The following MYO1E variants were observed in gnomAD, a reference collection of about 807,000 sequenced individuals.
The protein encoded by MYO1E is unconventional myosin-Ie.
A neutral mutation model predicts 151.1 loss-of-function variants in MYO1E; 68 were observed. The ratio of observed to expected loss-of-function variants is 0.45; its 90% CI spans 0.37 to 0.55. MYO1E has a LOEUF of 0.55. MYO1E is among the 20% of genes least tolerant of loss of function. The pLI is 0.00. For synonymous variants in MYO1E, 601 were observed against 501.7 expected, an observed-to-expected ratio of 1.20 and a Z score of -2.64; for missense variants, 1,363 against 1,389.3, an observed-to-expected ratio of 0.98 and a Z score of 0.30.
intron 1 of MYO1E, among the ~76,000 whole-genome samples, chr15:59,314,380 A>G (rs1016142106): frequency 6.6e-6 from 1 of 152,292 alleles, no homozygotes; most frequent in Non-Finnish European, 1.5e-5. Flanking sequence ...TCTTGTTTTC[A>G]CACAGTGTCT....
chr15:59,141,838 C>T lies in MYO1E; in HGVS notation c.3081-3471G>A, dbSNP rs148737129. Among the ~76,000 whole-genome samples, 1,257 of 148,606 alleles carry T rather than the reference C, an allele frequency of 8.5e-3. 22 individuals are homozygous for T. The highest frequency in any genetic ancestry group is 0.029 in the African/African-American group (1,182 of 40,164). ...AAAAAAGGCTGGGTGCAGTGGCTCA[C>T]GCCTGTAATCTGTAATCCCAGCACT... On this transcript the variant is annotated intron_variant, in intron 26 of 27. Coordinates refer to ENST00000288235, the MANE Select transcript of MYO1E (RefSeq NM_004998.4).
chr15:59,352,411 T>G (rs1410046311), intron 1 of MYO1E, among the ~76,000 whole-genome samples: 8 of 152,020 alleles, frequency 5.3e-5, no homozygotes, highest in African/African-American at 1.7e-4. Flanking sequence ...TGCAATCAGG[T>G]GTGGGTGGGA....
chr15:59,205,937 T>C (rs76779162), intron 14 of MYO1E, among the ~76,000 whole-genome samples: 13,449 of 152,172 alleles, frequency 0.088, 734 homozygotes, highest in African/African-American at 0.16. Flanking sequence ...CTTTGCAGTT[T>C]CTCCCAGAAG....
At chr15:59,188,316 A>C (rs1719705874) in intron 17 of MYO1E, 100 bp from the exon 18 acceptor site, 1 of 868,632 alleles carries the variant, frequency 1.2e-6, no homozygotes. Context: ...AGCTGTAGGG[A>C]AACATATTCA....
chr15:59,312,058 G>C (rs1486815976), intron 1 of MYO1E, among the ~76,000 whole-genome samples: 1 of 152,008 alleles, frequency 6.6e-6, no homozygotes. Context: ...AAACCAAATG[G>C]ACTACAACAC....
chr15:59,152,873 C>T (rs1284302463), intron 26 of MYO1E, among the ~76,000 whole-genome samples: 2 of 152,136 alleles, frequency 1.3e-5, no homozygotes, highest in African/African-American at 2.4e-5. Flanking sequence ...TGTTTACATA[C>T]GAGGGCAACT....
At chr15:59,211,302 C>T (rs2079877509) in intron 12 of MYO1E, among the ~76,000 whole-genome samples, 1 of 151,872 alleles carries the variant, frequency 6.6e-6, no homozygotes, top group Admixed American at 6.6e-5. Context: ...TTAACTTGAA[C>T]ACCACAACAC....
At chr15:59,311,579 G>A (rs912665729) in intron 1 of MYO1E, among the ~76,000 whole-genome samples, 13 of 152,230 alleles carry the variant, frequency 8.5e-5, no homozygotes, top group Admixed American at 5.9e-4. Context: ...AATCACATGA[G>A]TTTACCATAT....
chr15:59,196,903 C>T (rs571719501), intron 16 of MYO1E, among the ~76,000 whole-genome samples: 39 of 150,286 alleles, frequency 2.6e-4, no homozygotes, highest in South Asian at 1.9e-3. Flanking sequence ...GAATATAGCA[C>T]AGCTTTTTTT....
intron 1 of MYO1E, among the ~76,000 whole-genome samples, chr15:59,368,919 T>C (rs2080929606): frequency 6.6e-6 from 1 of 152,166 alleles, no homozygotes; most frequent in Non-Finnish European, 1.5e-5. Context: ...TATTTCCCAC[T>C]AGGATGGCCC....
chr15:59,267,182 C>T lies in MYO1E; in HGVS notation c.147+5124G>A, dbSNP rs1034156379. On this transcript the variant is annotated intron_variant, in intron 2 of 27. Transcript: ENST00000288235. Reference sequence around the variant, plus strand: ...CCGGGACTACAGGCATGCGCCACTACGCCCGGCTAATTTTTGTATTTATAG... The same window carrying T: ...CCGGGACTACAGGCATGCGCCACTATGCCCGGCTAATTTTTGTATTTATAG... 2.8e-5 allele frequency among the ~76,000 whole-genome samples: 4 copies of T among 143,606 alleles called. No homozygotes were observed. In the East Asian group the frequency reaches 6.1e-4, roughly 22 times the overall value. The allele number at this position is 143,606 out of a possible 152,430, so 94.2% of individuals were successfully genotyped here. A position where few individuals can be genotyped will look rare whatever the true frequency, so the allele number is the denominator to read the frequency against.
rs2079770866 is a variant in MYO1E at position 59,196,989 on chromosome 15, T to TTTTTC, written c.1699-1423_1699-1422insGAAAA. ...TTAGTTTTGTATTTAATTACGACTT[T>TTTTTC]TTTTTTTTTTTTTTTTTTTTTGAGA... On this transcript the variant is annotated intron_variant, in intron 16 of 27. Transcript: ENST00000288235. 2.8e-5 allele frequency among the ~76,000 whole-genome samples: 3 copies of TTTTTC among 106,202 alleles called. No homozygotes were observed. The Admixed American group carries it at 2.8e-4, about 10-fold the overall frequency. The allele number at this position is 106,202 out of a possible 152,430, so 69.7% of individuals were successfully genotyped here.
At chr15:59,295,242 G>A (rs2080441857) in intron 1 of MYO1E, among the ~76,000 whole-genome samples, 1 of 152,134 alleles carries the variant, frequency 6.6e-6, no homozygotes, top group South Asian at 2.1e-4. Flanking sequence ...GCACTGAATT[G>A]GGAGAGAGGA....
intron 17 of MYO1E, 55 bp downstream of exon 17, chr15:59,195,406 T>C (rs2079760272): frequency 6.8e-7 from 1 of 1,461,586 alleles, no homozygotes; most frequent in African/African-American, 1.4e-5. Flanking sequence ...GGACGGCTCA[T>C]CTTGAGCAGA....
intron 22 of MYO1E, among the ~76,000 whole-genome samples, chr15:59,168,323 A>G (rs1312692433): frequency 6.6e-6 from 1 of 152,046 alleles, no homozygotes; most frequent in Non-Finnish European, 1.5e-5. Context: ...AGGTGGGTAG[A>G]TCCCATGAGC....
intron 18 of MYO1E, among the ~76,000 whole-genome samples, chr15:59,187,762 G>A (rs1359381842): frequency 6.6e-6 from 1 of 152,222 alleles, no homozygotes; most frequent in African/African-American, 2.4e-5. Context: ...CAGGAAGGAA[G>A]CATGGAAATG....
intron 1 of MYO1E, among the ~76,000 whole-genome samples, chr15:59,361,815 ATTT>A (rs1244658476): frequency 9.9e-5 from 15 of 151,440 alleles, no homozygotes; most frequent in African/African-American, 3.6e-4. Flanking sequence ...TAGTCTGTGG[ATTT>A]TTTTAATTAA....
intron 1 of MYO1E, among the ~76,000 whole-genome samples, chr15:59,312,589 C>T (rs1359475085): frequency 6.6e-6 from 1 of 152,172 alleles, no homozygotes; most frequent in Non-Finnish European, 1.5e-5. Context: ...GCTTCAAACT[C>T]CTGGGCTCAA....
At chr15:59,280,721 C>T (rs1406635121) in intron 1 of MYO1E, among the ~76,000 whole-genome samples, 1 of 151,388 alleles carries the variant, frequency 6.6e-6, no homozygotes, top group Non-Finnish European at 1.5e-5. Context: ...AATAATGATG[C>T]TCCTTTTATA....
Sources: allele counts gnomAD v4.1 joint callset (sites outside exome capture counted in the v4.1 genomes callset), GRCh38; gene constraint gnomAD v4.1.1; transcripts MANE v1.5; gene names NCBI Gene and HGNC (gene_info 2026-07-23, HGNC 2026-07-21).